Variants in ZC3H12B observed in about 807,000 individuals in gnomAD.
The protein encoded by ZC3H12B is zinc finger CCCH-type containing 12B.
Under a neutral mutation model 43.9 loss-of-function variants are expected in ZC3H12B, and 7 were observed. The observed-to-expected ratio is 0.16, with a 90% confidence interval of 0.09 to 0.30. The LOEUF is 0.30. Ranked by LOEUF, ZC3H12B falls within the 10% of genes least tolerant of loss-of-function variation. The pLI, the probability that ZC3H12B is intolerant of heterozygous loss-of-function variation, is 1.00. For missense variants in ZC3H12B, 475 were observed against 670.2 expected, an observed-to-expected ratio of 0.71 and a Z score of 3.22; for synonymous variants, 222 against 241.7, an observed-to-expected ratio of 0.92 and a Z score of 0.76.
At chrX:65,118,759 T>C in the ZC3H12B span, among the ~76,000 whole-genome samples, 6 of 108,797 alleles carry the variant, frequency 5.5e-5, no homozygotes, top group African/African-American at 2.0e-4. Context: ...CATTAACTTC[T>C]CATTTAACAT....
chrX:65,372,715 A>T (rs973621130), intron 2 of ZC3H12B, among the ~76,000 whole-genome samples: 3 of 112,123 alleles, frequency 2.7e-5, no homozygotes, highest in Non-Finnish European at 5.6e-5. Context: ...TTGAGAGGTA[A>T]GGATTGTTAT....
intron 3 of ZC3H12B, among the ~76,000 whole-genome samples, chrX:65,435,414 C>A (rs1471411635): frequency 9.0e-6 from 1 of 111,556 alleles, no homozygotes; most frequent in Admixed American, 9.6e-5. Context: ...ATATCAAAGG[C>A]AAATATTTTG....
At chrX:65,357,245 A>C in the ZC3H12B span, 1 of 374,523 alleles carries the variant, frequency 2.7e-6, no homozygotes. Context: ...GCAGTTTGCA[A>C]AAAGACTCAA....
chrX:65,449,046 G>GGAAA (rs1213165310), intron 3 of ZC3H12B, among the ~76,000 whole-genome samples: 3 of 91,143 alleles, frequency 3.3e-5, no homozygotes, highest in Non-Finnish European at 4.4e-5. Context: ...AAAGAAGGAA[G>GGAAA]GAAAGAAAGA....
At chrX:65,120,802 T>C in the ZC3H12B span, among the ~76,000 whole-genome samples, 1 of 111,626 alleles carries the variant, frequency 9.0e-6, no homozygotes, top group Non-Finnish European at 1.9e-5. Context: ...AGATACCTCT[T>C]ATTATTTTGA....
At chrX:65,156,999 C>T in the ZC3H12B span, among the ~76,000 whole-genome samples, 1 of 110,715 alleles carries the variant, frequency 9.0e-6, no homozygotes, top group Non-Finnish European at 1.9e-5. Context: ...TATTAATTTT[C>T]AGACAGTGTC....
chrX:65,400,084 TAGAA>T (rs912586984), intron 3 of ZC3H12B, among the ~76,000 whole-genome samples: 1 of 110,520 alleles, frequency 9.0e-6, no homozygotes, highest in African/African-American at 3.3e-5. Flanking sequence ...TACAAAAAAA[TAGAA>T]AGAATAAATG....
chrX:65,185,149 G>T, the ZC3H12B span: 1 of 111,103 alleles, frequency 9.0e-6, no homozygotes, highest in African/African-American at 3.3e-5. Context: ...AACTTCAAAG[G>T]TTTTTTAGTG....
At chrX:65,321,532 CA>C in the ZC3H12B span, among the ~76,000 whole-genome samples, 2 of 111,443 alleles carry the variant, frequency 1.8e-5, no homozygotes, top group Non-Finnish European at 3.8e-5. Flanking sequence ...TCATTTGACC[CA>C]GTAATCCCAT....
At chrX:65,065,500 C>T in the ZC3H12B span, among the ~76,000 whole-genome samples, 1 of 112,276 alleles carries the variant, frequency 8.9e-6, no homozygotes, top group Non-Finnish European at 1.9e-5. Flanking sequence ...AGGGTTTCTG[C>T]AGAGAGAGCC....
the ZC3H12B span, among the ~76,000 whole-genome samples, chrX:65,244,320 G>A: frequency 9.0e-6 from 1 of 111,037 alleles, no homozygotes. Flanking sequence ...CACCATAACA[G>A]ATGTAATGAT....
chrX:65,115,642 G>A, the ZC3H12B span, among the ~76,000 whole-genome samples: 58 of 111,482 alleles, frequency 5.2e-4, no homozygotes, highest in African/African-American at 1.5e-3. Flanking sequence ...ACTGTTTTCC[G>A]TAGTGGTTCT....
At chrX:65,154,269 C>G in the ZC3H12B span, among the ~76,000 whole-genome samples, 3 of 111,340 alleles carry the variant, frequency 2.7e-5, no homozygotes, top group Non-Finnish European at 5.7e-5. Flanking sequence ...AAAAAATTTT[C>G]TCATGCCGTA....
chrX:65,245,238 G>A, the ZC3H12B span, among the ~76,000 whole-genome samples: 3 of 111,475 alleles, frequency 2.7e-5, no homozygotes, highest in Admixed American at 1.9e-4. Context: ...TTCTGAAATT[G>A]AGGCAGTAAA....
At chrX:65,058,820 T>C in the ZC3H12B span, among the ~76,000 whole-genome samples, 1 of 112,093 alleles carries the variant, frequency 8.9e-6, no homozygotes, top group East Asian at 2.8e-4. Flanking sequence ...CAGTTGGATC[T>C]CAGACTGCTG....
At chrX:65,213,721 C>A in the ZC3H12B span, among the ~76,000 whole-genome samples, 1 of 109,941 alleles carries the variant, frequency 9.1e-6, no homozygotes, top group African/African-American at 3.3e-5. Context: ...GTTTTAATGA[C>A]TACTTATTTT....
upstream of ZC3H12B, among the ~76,000 whole-genome samples, chrX:65,488,421 T>TG (rs1172902640): frequency 7.5e-5 from 5 of 66,943 alleles, no homozygotes; most frequent in Admixed American, 1.7e-4. Context: ...CAGGAGCGGG[T>TG]GGGGGGCGGG....
At chrX:65,064,191 C>T in the ZC3H12B span, among the ~76,000 whole-genome samples, 1 of 111,403 alleles carries the variant, frequency 9.0e-6, no homozygotes, top group East Asian at 2.8e-4. Context: ...TTGTCTTCTG[C>T]TAGCTTTTGA....
intron 3 of ZC3H12B, among the ~76,000 whole-genome samples, chrX:65,458,179 C>T (rs1291314033): frequency 1.9e-5 from 2 of 107,354 alleles, no homozygotes; most frequent in Non-Finnish European, 3.8e-5. Flanking sequence ...TATATATGCA[C>T]CCAATACTGG....
Sources: gnomAD v4.1 joint callset for allele counts (sites outside exome capture counted in the v4.1 genomes callset) on GRCh38, gnomAD v4.1.1 for gene constraint, MANE v1.5 for transcripts, NCBI Gene and HGNC (gene_info 2026-07-23, HGNC 2026-07-21) for gene names.